Variants in NDE1 observed in about 807,000 individuals in gnomAD.
NDE1 encodes nudE neurodevelopment protein 1.
Under a neutral mutation model 43.4 loss-of-function variants are expected in NDE1, and 28 were observed. The observed-to-expected ratio is 0.65, with a 90% CI of 0.48 to 0.89. The LOEUF (loss-of-function observed/expected upper bound fraction) is 0.89, where lower values mean the gene tolerates loss of function less well. NDE1 is among the 40% of genes least tolerant of loss of function. NDE1 has a pLI of 0.00. For missense variants in NDE1, 441 were observed against 434.1 expected (o/e 1.02, Z -0.14); for synonymous variants, 184 against 172.0 (o/e 1.07, Z -0.55).
Position 15,721,467 on chromosome 16 carries a change from G to A in NDE1, c.948-2724G>A, listed in dbSNP as rs181548582. ...TGGAGCTGACCAGGTCTTCCATTTC[G>A]GCTTTGAGCATTTTGTTGGTCCGCT... On this transcript the variant is annotated intron_variant, in intron 8 of 8. Coordinates refer to ENST00000396354, the MANE Select transcript of NDE1 (RefSeq NM_017668.3). 81 of 1,614,098 alleles carry A rather than the reference G, an allele frequency of 5.0e-5. No individual in the cohort carries two copies. In the African/African-American group the frequency reaches 6.9e-4, roughly 14 times the overall value.
intron 7 of NDE1, chr16:15,694,555 C>G (rs746998547): frequency 6.9e-5 from 61 of 882,312 alleles, no homozygotes; most frequent in Non-Finnish European, 8.0e-5. Flanking sequence ...GCTGTGTTGC[C>G]CAGGCTGGTC....
chr16:15,669,701 G>A (rs965407108), intron 3 of NDE1, among the ~76,000 whole-genome samples: 1 of 150,256 alleles, frequency 6.7e-6, no homozygotes, highest in African/African-American at 2.5e-5. Context: ...CACCATGTTG[G>A]CCAGGCTGGT....
chr16:15,677,106 C>T (rs1420604570), intron 3 of NDE1, among the ~76,000 whole-genome samples: 7 of 152,090 alleles, frequency 4.6e-5, no homozygotes, highest in African/African-American at 1.7e-4. Context: ...ACAGTTGGTC[C>T]GTTGTGCCTG....
chr16:15,716,722 C>T (rs915731982), intron 8 of NDE1, among the ~76,000 whole-genome samples: 1 of 152,164 alleles, frequency 6.6e-6, no homozygotes, highest in South Asian at 2.1e-4. Context: ...CCATGTTGGC[C>T]AGGCCGGTCT....
At chr16:15,699,841 A>G (rs953661402) in intron 8 of NDE1, 2 of 1,348,278 alleles carry the variant, frequency 1.5e-6, no homozygotes, top group African/African-American at 3.0e-5. Context: ...CGGAAGCTGA[A>G]GGTCTTGGTG....
chr16:15,672,925 C>T (rs565455153), intron 3 of NDE1, among the ~76,000 whole-genome samples: 2 of 152,282 alleles, frequency 1.3e-5, no homozygotes, highest in East Asian at 1.9e-4. Flanking sequence ...GAGGGTGCTG[C>T]GGGCGGCAGC....
At chr16:15,687,175 G>A in intron 4 of NDE1, 200 bp from the exon 5 acceptor site, 1 of 1,497,566 alleles carries the variant, frequency 6.7e-7, no homozygotes, top group Non-Finnish European at 8.9e-7. Context: ...CACCCCATGA[G>A]CTATGATGAG....
At chr16:15,671,957 G>A (rs1410460659) in intron 3 of NDE1, among the ~76,000 whole-genome samples, 2 of 152,002 alleles carry the variant, frequency 1.3e-5, no homozygotes, top group African/African-American at 4.8e-5. Context: ...CAAAGTGCTG[G>A]GATTACAGGT....
intron 8 of NDE1, chr16:15,703,633 G>C (rs192051192): frequency 5.3e-5 from 22 of 411,492 alleles, no homozygotes; most frequent in African/African-American, 4.4e-4. Context: ...CTGTTGCCCA[G>C]GCTGGAGTGC....
chr16:15,706,495 G>A (rs1333713667), intron 8 of NDE1, among the ~76,000 whole-genome samples: 1 of 152,138 alleles, frequency 6.6e-6, no homozygotes, highest in East Asian at 1.9e-4. Context: ...CACTCGTGAG[G>A]TCAGTTGTTC....
intron 1 of NDE1, among the ~76,000 whole-genome samples, chr16:15,660,968 C>T (rs1768341643): frequency 6.6e-6 from 1 of 152,188 alleles, no homozygotes; most frequent in African/African-American, 2.4e-5. Context: ...CTTCCATGGT[C>T]ACGAGGAAAA....
At chr16:15,722,001 G>A (rs1291848921) in intron 8 of NDE1, among the ~76,000 whole-genome samples, 1 of 152,074 alleles carries the variant, frequency 6.6e-6, no homozygotes, top group Non-Finnish European at 1.5e-5. Context: ...GGGATTACAG[G>A]TGCCCACCAC....
rs545655626 is a variant in NDE1, at chr16:15,693,039, C to T, written c.704-1126C>T. ...TTTTTGAGACAAAGTCTTGCTCTGT[C>T]GGCCAGGCTGGAGTGCAGCGGCATT... On this transcript the variant is annotated intron_variant, in intron 6 of 8. Coordinates refer to ENST00000396354, the MANE Select transcript of NDE1 (RefSeq NM_017668.3). 1.7e-4 allele frequency among the ~76,000 whole-genome samples: 25 copies of T among 145,472 alleles called. 1 individual carries two copies. Among genetic ancestry groups the T allele is most frequent in the East Asian group, 2.1e-4 (1 of 4,868 alleles).
intron 3 of NDE1, among the ~76,000 whole-genome samples, chr16:15,677,214 C>G (rs1268683096): frequency 2.6e-5 from 4 of 151,816 alleles, no homozygotes; most frequent in African/African-American, 9.7e-5. Flanking sequence ...GCTTGTCTCC[C>G]GATTGTGGTG....
chr16:15,685,584 T>G (rs1387305001), intron 4 of NDE1, among the ~76,000 whole-genome samples: 1 of 152,146 alleles, frequency 6.6e-6, no homozygotes, highest in Non-Finnish European at 1.5e-5. Context: ...GTGGTAACTT[T>G]ATCCTATCCA....
intron 8 of NDE1, among the ~76,000 whole-genome samples, chr16:15,715,984 G>A (rs2040109647): frequency 6.6e-6 from 1 of 152,052 alleles, no homozygotes. Flanking sequence ...ATTACAAGCT[G>A]GGTACAGTGG....
intron 3 of NDE1, among the ~76,000 whole-genome samples, chr16:15,673,403 C>T (rs559139872): frequency 1.3e-5 from 2 of 152,144 alleles, no homozygotes; most frequent in East Asian, 1.9e-4. Context: ...GGGGGTTTCA[C>T]CGTGTTGGCC....
rs749335643 is a variant in NDE1 at position 15,687,323 on chromosome 16, G to C, written c.387-52G>C. 11 of 1,613,172 alleles carry C rather than the reference G, an allele frequency of 6.8e-6. No individual in the cohort carries two copies. In the African/African-American group the frequency reaches 1.5e-4, roughly 22 times the overall value. ...CGCACCTCCTGGATCCGCGGTGCTG[G>C]AGGGATGCTGCGGTTTGTCCTCTTG... On this transcript the variant is annotated intron_variant, in intron 4 of 8. Coordinates refer to ENST00000396354, the MANE Select transcript of NDE1 (RefSeq NM_017668.3).
At chr16:15,649,064 T>C (rs1241253493), upstream of NDE1, among the ~76,000 whole-genome samples, 3 of 151,832 alleles carry the variant, frequency 2.0e-5, no homozygotes, top group Non-Finnish European at 2.9e-5. Context: ...GGTGTGGTGA[T>C]GCGGGCCTGT....
Sources: gnomAD v4.1 joint callset for allele counts (sites outside exome capture counted in the v4.1 genomes callset) on GRCh38, gnomAD v4.1.1 for gene constraint, MANE v1.5 for transcripts, NCBI Gene and HGNC (gene_info 2026-07-23, HGNC 2026-07-21) for gene names.